Variants in GK observed in about 807,000 individuals in gnomAD.
The protein encoded by GK is ATP:glycerol 3-phosphotransferase.
Under a neutral mutation model 56.4 loss-of-function variants are expected in GK, and 9 were observed. That is an observed-to-expected ratio of 0.16 (90% CI 0.10 to 0.28). The LOEUF is 0.28. Among genes scored for constraint, GK ranks in the 10% least tolerant of loss-of-function variants. The pLI is 1.00. For missense variants in GK, 161 were observed against 431.4 expected (o/e 0.37, Z 5.55); for synonymous variants, 104 against 144.1 (o/e 0.72, Z 1.99).
intron 4 of GK, chrX:30,687,501 G>A (rs1188677006): frequency 1.2e-5 from 4 of 339,826 alleles, no homozygotes; most frequent in East Asian, 2.0e-4. Context: ...CATCTCTAGC[G>A]TGAATTGCCC....
intron 13 of GK, among the ~76,000 whole-genome samples, chrX:30,711,057 G>C (rs1049753255): frequency 9.2e-6 from 1 of 108,421 alleles, no homozygotes; most frequent in Non-Finnish European, 1.9e-5. Flanking sequence ...TTCTTAGTTT[G>C]TGTCCAGTAT....
rs45502894 is a variant in GK at position 30,707,755 on chromosome X, A to G, written c.894+157A>G. On this transcript the variant is annotated intron_variant, in intron 12 of 20. Coordinates refer to ENST00000427190, the MANE Select transcript of GK (RefSeq NM_001205019.2). ...TCAATACAAAATTTGAATCGTTCTA[A>G]TAAGAACCATTTTAGACTCTTTGAA... is the stretch of plus-strand genomic sequence containing the variant. Among the ~76,000 whole-genome samples, 1,044 of 112,018 alleles carry G rather than the reference A, an allele frequency of 9.3e-3. 9 individuals are homozygous for G. The highest frequency in any genetic ancestry group is 0.032 in the African/African-American group (975 of 30,891).
intron 6 of GK, 81 bp from the exon 7 acceptor site, chrX:30,695,961 C>T (rs1158425095): frequency 5.3e-6 from 3 of 562,589 alleles, no homozygotes; most frequent in Non-Finnish European, 9.4e-6. Flanking sequence ...TTTATGTGCT[C>T]TGCTGATTAT....
chrX:30,685,627 A>G (rs1438378755), intron 4 of GK, among the ~76,000 whole-genome samples: 2 of 112,291 alleles, frequency 1.8e-5, no homozygotes, highest in African/African-American at 3.2e-5. Context: ...CAGTGATTGA[A>G]TTATTCAAAT....
chrX:30,666,904 C>T (rs1468259735), intron 2 of GK, among the ~76,000 whole-genome samples: 1 of 111,422 alleles, frequency 9.0e-6, no homozygotes, highest in Non-Finnish European at 1.9e-5. Flanking sequence ...CCTGTAATCC[C>T]AGCACTTTGG....
intron 14 of GK, among the ~76,000 whole-genome samples, chrX:30,719,005 C>T (rs1459522739): frequency 9.0e-6 from 1 of 111,212 alleles, no homozygotes; most frequent in Non-Finnish European, 1.9e-5. Flanking sequence ...TGTTTTCAGT[C>T]TATAGATAAT....
intron 9 of GK, among the ~76,000 whole-genome samples, chrX:30,698,879 A>AAG (rs1433124247): frequency 2.3e-4 from 25 of 107,656 alleles, no homozygotes; most frequent in East Asian, 2.0e-3. Flanking sequence ...AAAAAAAAAA[A>AAG]AAAAAGAAAA....
At chrX:30,666,917 G>A (rs777861264) in intron 2 of GK, among the ~76,000 whole-genome samples, 78 of 111,442 alleles carry the variant, frequency 7.0e-4, no homozygotes, top group Non-Finnish European at 1.3e-3. Context: ...CACTTTGGGA[G>A]GCCGAGGCAG....
At chrX:30,713,263 C>G (rs1351319363) in intron 13 of GK, among the ~76,000 whole-genome samples, 4 of 111,562 alleles carry the variant, frequency 3.6e-5, no homozygotes, top group Non-Finnish European at 5.6e-5. Flanking sequence ...CTGGAGGAAC[C>G]AGTTCCCAGC....
At chrX:30,677,788 G>A (rs1483441516) in intron 4 of GK, among the ~76,000 whole-genome samples, 1 of 98,617 alleles carries the variant, frequency 1.0e-5, no homozygotes, top group African/African-American at 3.9e-5. Context: ...CCTTGCCATT[G>A]CACTCCAGCC....
At chrX:30,665,652 G>A in intron 2 of GK, 68 bp downstream of exon 2, 1 of 673,638 alleles carries the variant, frequency 1.5e-6, no homozygotes, top group Non-Finnish European at 2.4e-6. Context: ...AACTTGCCCT[G>A]TGGATTTGTA....
chrX:30,701,022 C>G, intron 11 of GK, 117 bp downstream of exon 11: 1 of 524,086 alleles, frequency 1.9e-6, no homozygotes, highest in Admixed American at 2.6e-5. Flanking sequence ...CTTAATAGCT[C>G]CAATATGCAT....
At chrX:30,664,660 C>T (rs942898795) in intron 1 of GK, among the ~76,000 whole-genome samples, 1 of 106,321 alleles carries the variant, frequency 9.4e-6, no homozygotes, top group African/African-American at 3.4e-5. Context: ...CTGGATGGGG[C>T]CAAGTATATA....
At chrX:30,678,008 G>A in intron 4 of GK, 2 of 550,289 alleles carry the variant, frequency 3.6e-6, no homozygotes. Context: ...TCTTACAAAT[G>A]AGTGAATGTT....
rs1935720843 is a variant in GK at position 30,702,262 on chromosome X, A to G, written c.851+1357A>G. Among the ~76,000 whole-genome samples, 3 of 111,265 alleles carry G rather than the reference A, an allele frequency of 2.7e-5. No homozygotes were observed. The Admixed American group carries it at 2.9e-4, about 11-fold the overall frequency. ...TCTCCATGTTGGTCAGGCTGGTCTCAAACTCCTGACCTCAGGTGATCTGCC... is the reference window on the plus strand; with the variant it reads ...TCTCCATGTTGGTCAGGCTGGTCTCGAACTCCTGACCTCAGGTGATCTGCC... On this transcript the variant is annotated intron_variant, in intron 11 of 20. Coordinates refer to ENST00000427190, the MANE Select transcript of GK (RefSeq NM_001205019.2).
chrX:30,682,482 T>C (rs1284094645), intron 4 of GK, among the ~76,000 whole-genome samples: 2 of 111,824 alleles, frequency 1.8e-5, no homozygotes, highest in Non-Finnish European at 3.8e-5. Context: ...GGAGAGCCAC[T>C]AAGAAATGAC....
chrX:30,720,022 G>T lies in GK; in HGVS notation c.1163G>T (p.Gly388Val). Residue 388 changes from glycine (G) to valine (V), a missense_variant, in exon 16 of 21, where the codon GGA becomes GTA. By Grantham distance (109) the Gly-to-Val change is moderately radical (BLOSUM62 -3). Transcript: ENST00000427190. The stretch of plus-strand genomic sequence containing the variant: ...GTGCGTATTTTTAGGATAATCTGTG[G>T]ACTCACTCAGTTCACCAATAAATGC... ...WEPSARGIIC[G>V]LTQFTNKCHI... 8.6e-7 allele frequency: 1 copy of T among 1,166,651 alleles called. No homozygotes were observed. The highest frequency in any genetic ancestry group is 1.2e-6 in the Non-Finnish European group (1 of 854,799).
At chrX:30,668,489 A>G (rs1933239425) in intron 3 of GK, among the ~76,000 whole-genome samples, 1 of 111,586 alleles carries the variant, frequency 9.0e-6, no homozygotes, top group South Asian at 3.7e-4. Flanking sequence ...CAGCCATGCC[A>G]GTGTCTAGAA....
At chrX:30,681,094 A>T (rs1326398452) in intron 4 of GK, among the ~76,000 whole-genome samples, 1 of 112,096 alleles carries the variant, frequency 8.9e-6, no homozygotes, top group Non-Finnish European at 1.9e-5. Flanking sequence ...TTTTCTATTT[A>T]AAAAAACCAT....
Sources: allele counts gnomAD v4.1 joint callset (sites outside exome capture counted in the v4.1 genomes callset), GRCh38; gene constraint gnomAD v4.1.1; transcripts MANE v1.5; gene names NCBI Gene and HGNC (gene_info 2026-07-23, HGNC 2026-07-21).